The following DOK2 variants were observed in gnomAD, a reference collection of about 807,000 sequenced individuals.
The protein encoded by DOK2 is docking protein 2.
In DOK2, 28 loss-of-function variants were observed where a neutral mutation model predicts 26.0. The ratio of observed to expected loss-of-function variants is 1.08; its 90% CI spans 0.80 to 1.48. The LOEUF is 1.48. Among genes scored for constraint, DOK2 ranks in the 40% most tolerant of loss-of-function variants. DOK2 has a pLI of 0.00. For missense variants in DOK2, 682 were observed against 558.2 expected (o/e 1.22, Z -2.23); for synonymous variants, 282 against 236.9 (o/e 1.19, Z -1.75).
In DOK2 at chr8:21,909,356, TG is replaced by T. The variant is rs1809722114; in HGVS notation, c.1193del (p.Pro398GlnfsTer10). The T allele has an allele frequency of 1.3e-6, 2 of 1,571,956 alleles. No homozygotes were observed. The highest frequency in any genetic ancestry group is 1.7e-6 in the Non-Finnish European group (2 of 1,158,636). ...GQDFSASGWQ[P>X]GTEYDNVVLK... ...GTACAACATTGTCATACTCAGTTCC[TG>T]GCTGCCAGCCAGAAGCAGAGAAATC... is the stretch of plus-strand genomic sequence containing the variant. On this transcript the variant is annotated frameshift_variant, in exon 5 of 5. Transcript: ENST00000276420. LOFTEE classifies it high-confidence loss of function.
intron 3 of DOK2, chr8:21,911,168 C>T: frequency 2.7e-6 from 1 of 364,702 alleles, no homozygotes; most frequent in Non-Finnish European, 5.0e-6. Context: ...CCCCATCTCT[C>T]ACCCCAAACC....
rs759890322 is a variant in DOK2 at position 21,913,632 on chromosome 8, G to A, written c.-31C>T. The A allele has an allele frequency of 1.9e-6, 3 of 1,612,860 alleles. No homozygotes were observed. Among genetic ancestry groups the A allele is most frequent in the South Asian group, 2.2e-5 (2 of 91,056 alleles). The stretch of plus-strand genomic sequence containing the variant: ...GACCATCTCGGAGCCCCAGGCTTCA[G>A]CTCTCTCCTTCACTCCTGCCCTTGC... On this transcript the variant is annotated 5_prime_UTR_variant, in exon 1 of 5. Transcript: ENST00000276420.
rs371068266 is a variant in DOK2 at position 21,910,761 on chromosome 8, C to T, written c.530G>A (p.Ser177Asn). 1.2e-6 allele frequency: 2 copies of T among 1,614,038 alleles called. No homozygotes were observed. Among genetic ancestry groups the T allele is most frequent in the East Asian group, 2.2e-5 (1 of 44,882 alleles). ...RGSYTLRAGESALELWGGPEP... is the reference protein window; with the variant it reads ...RGSYTLRAGENALELWGGPEP... Reference sequence around the variant, plus strand: ...GGGCCCACCCCACAGCTCCAGGGCACTCTCCCCAGCCCGGAGGGTATAGGA... The same window carrying T: ...GGGCCCACCCCACAGCTCCAGGGCATTCTCCCCAGCCCGGAGGGTATAGGA... Residue 177 changes from serine to asparagine, a missense_variant, in exon 4 of 5, where the codon AGT becomes AAT. Coordinates refer to ENST00000276420, the MANE Select transcript of DOK2 (RefSeq NM_003974.4).
rs1245916282 is a variant in DOK2 at position 21,912,439 on chromosome 8, C to A, written c.135G>T (p.Glu45Asp). ...DCALARLELQ[E>D]GPEKPRRCEA... is the part of the protein sequence containing the mutation. ...CACACCGACGAGGCTTCTCCGGGCC[C>A]TCCTGCAGCTCCAGCCGGGCCAAGG... Residue 45 changes from glutamate (E) to aspartate (D), a missense_variant, in exon 2 of 5, where the codon GAG becomes GAT. Glu to Asp is a conservative substitution (Grantham distance 45). Coordinates refer to ENST00000276420, the MANE Select transcript of DOK2 (RefSeq NM_003974.4). 6.4e-7 allele frequency: 1 copy of A among 1,570,648 alleles called. No homozygotes were observed. Among genetic ancestry groups the A allele is most frequent in the African/African-American group, 1.4e-5 (1 of 73,928 alleles).
chr8:21,913,534 C>T lies in DOK2; in HGVS notation c.63+5G>A. 1 of 1,614,068 alleles carries T rather than the reference C, an allele frequency of 6.2e-7. No homozygotes were observed. The highest frequency in any genetic ancestry group is 8.5e-7 in the Non-Finnish European group (1 of 1,180,012). On this transcript the variant is annotated splice_donor_5th_base_variant and intron_variant, in intron 1 of 4. Transcript: ENST00000276420. ...TGCCCAACCCCAGCCCAGCCTCACT[C>T]CTACCTTTCCAAACGTCTGCTGCTG...
rs912969261 is a variant in DOK2, at chr8:21,909,747, T to G, written c.803A>C (p.Asp268Ala). Residue 268 changes from aspartate to alanine, a missense_variant, in exon 5 of 5, where the codon GAT becomes GCT. Asp to Ala is a moderately radical substitution (Grantham distance 126). Transcript: ENST00000276420. Reference sequence around the variant, plus strand: ...GTCATGCGGCCGAGAGTAGGGGCTATCAGGCCGGGGCAGCGACGCGGGGAT... The same window carrying G: ...GTCATGCGGCCGAGAGTAGGGGCTAGCAGGCCGGGGCAGCGACGCGGGGAT... ...ATIPASLPRP[D>A]SPYSRPHDSL... is the part of the protein sequence containing the mutation. 1 of 1,613,786 alleles carries G rather than the reference T, an allele frequency of 6.2e-7. No individual in the cohort carries two copies. Among genetic ancestry groups the G allele is most frequent in the Admixed American group, 1.7e-5 (1 of 60,018 alleles).
intron 3 of DOK2, 40 bp downstream of exon 3, chr8:21,911,861 G>A: frequency 6.5e-7 from 1 of 1,529,132 alleles, no homozygotes. Flanking sequence ...ACCCTGGGGA[G>A]AGCCCCCAGG....
In DOK2 at chr8:21,912,353, T is replaced by A; in HGVS notation, c.221A>T (p.Glu74Val). The A allele has an allele frequency of 6.2e-7, 1 of 1,607,212 alleles. No individual in the cohort carries two copies. Among genetic ancestry groups the A allele is most frequent in the Non-Finnish European group, 8.5e-7 (1 of 1,178,420 alleles). ...DCLRVAEAGG[E>V]ASSPRDTSAF... ...ACTGGTGTCCCGGGGGCTGCTGGCC[T>A]CTCCGCCGGCCTCGGCCACCCGCAG... Residue 74 changes from glutamate to valine, a missense_variant, in exon 2 of 5, where the codon GAG (glutamate) becomes GTG (valine). By Grantham distance (121) the Glu-to-Val change is moderately radical. Coordinates refer to ENST00000276420, the MANE Select transcript of DOK2 (RefSeq NM_003974.4).
intron 1 of DOK2, among the ~76,000 whole-genome samples, chr8:21,912,980 A>T (rs1008555263): frequency 2.6e-5 from 4 of 152,194 alleles, no homozygotes; most frequent in African/African-American, 9.7e-5. Context: ...TTGCTGCCTC[A>T]TTCCTTGATA....
At chr8:21,910,553 A>C (rs1235427505) in intron 4 of DOK2, 120 bp downstream of exon 4, 2 of 1,288,910 alleles carry the variant, frequency 1.6e-6, no homozygotes, top group East Asian at 5.0e-5. Flanking sequence ...TTGTCACTCT[A>C]TTCTTTGCTT....
At position 21,912,430 on chromosome 8, in the gene DOK2, C is replaced by CT. The variant is rs2117208195; in HGVS notation, c.143dup (p.Lys49GlufsTer6). The stretch of plus-strand genomic sequence containing the variant: ...GGGCAGCCTCACACCGACGAGGCTT[C>CT]TCCGGGCCCTCCTGCAGCTCCAGCC... On this transcript the variant is annotated frameshift_variant, in exon 2 of 5. Coordinates refer to ENST00000276420, the MANE Select transcript of DOK2 (RefSeq NM_003974.4). LOFTEE classifies it high-confidence loss of function. 1.3e-6 allele frequency: 2 copies of CT among 1,574,932 alleles called. No homozygotes were observed. The highest frequency in any genetic ancestry group is 2.3e-5 in the South Asian group (2 of 86,564).
chr8:21,912,538 C>T (rs933929306), intron 1 of DOK2, 28 bp from the exon 2 acceptor site: 1 of 1,455,372 alleles, frequency 6.9e-7, no homozygotes. Context: ...GAGGCGGGGG[C>T]GGGAGGGAGC....
chr8:21,911,784 G>A, intron 3 of DOK2, 117 bp downstream of exon 3: 1 of 1,150,454 alleles, frequency 8.7e-7, no homozygotes, highest in Non-Finnish European at 1.2e-6. Context: ...GGCCCAGGCT[G>A]GGGATAACCA....
In DOK2 at chr8:21,909,582, T is replaced by C; in HGVS notation, c.968A>G (p.Gln323Arg). 1 of 1,614,008 alleles carries C rather than the reference T, an allele frequency of 6.2e-7. No individual in the cohort carries two copies. The highest frequency in any genetic ancestry group is 8.5e-7 in the Non-Finnish European group (1 of 1,180,018). Residue 323 changes from glutamine (Q) to arginine (R), a missense_variant, in exon 5 of 5, where the codon CAG becomes CGG. Coordinates refer to ENST00000276420, the MANE Select transcript of DOK2 (RefSeq NM_003974.4). ...GTCGTACAGAGGGTCGGCCAGGAGC[T>C]GAGGAGGGACTGCCAAGATGCCCCT... ...NFRGILAVPPQLLADPLYDSI... is the reference protein window; with the variant it reads ...NFRGILAVPPRLLADPLYDSI...
rs200755956 is a variant in DOK2, at chr8:21,910,692, C to T, written c.599G>A (p.Arg200Gln). 1.1e-5 allele frequency: 18 copies of T among 1,614,050 alleles called. No individual in the cohort carries two copies. Among genetic ancestry groups the T allele is most frequent in the East Asian group, 1.1e-4 (5 of 44,874 alleles). Residue 200 changes from arginine to glutamine, a missense_variant, in exon 4 of 5, where the codon CGG becomes CAG. By Grantham distance (43) the Arg-to-Gln change is conservative. Transcript: ENST00000276420. ...QLYDWPYRFL[R>Q]RFGRDKVTFS... ...ACTCACCTTGTCCCGCCCAAAGCGC[C>T]GCAGAAACCTGTAGGGCCAGTCGTA... is the stretch of plus-strand genomic sequence containing the variant.
At chr8:21,911,253 G>T (rs1809833793) in intron 3 of DOK2, among the ~76,000 whole-genome samples, 1 of 152,170 alleles carries the variant, frequency 6.6e-6, no homozygotes, top group Admixed American at 6.5e-5. Context: ...CGGGGCCCTG[G>T]GGGTGAAGCT....
chr8:21,912,730 A>C lies in DOK2; in HGVS notation c.64-220T>G, dbSNP rs377285214. Among the ~76,000 whole-genome samples, 391 of 152,278 alleles carry C rather than the reference A, an allele frequency of 2.6e-3. 2 individuals are homozygous for C. The highest frequency in any genetic ancestry group is 0.021 in the South Asian group (101 of 4,812). On this transcript the variant is annotated intron_variant, in intron 1 of 4. Coordinates refer to ENST00000276420, the MANE Select transcript of DOK2 (RefSeq NM_003974.4). ...AGATCAGCCGCCAGCCCCGAGAAGGAGGCCCACGAGCAAGAGCAGAGACTG... is the reference window on the plus strand; with the variant it reads ...AGATCAGCCGCCAGCCCCGAGAAGGCGGCCCACGAGCAAGAGCAGAGACTG...
chr8:21,913,215 ATTCCC>A (rs1341406130), intron 1 of DOK2, among the ~76,000 whole-genome samples: 1 of 152,192 alleles, frequency 6.6e-6, no homozygotes, highest in Non-Finnish European at 1.5e-5. Context: ...TGCCCCTTCC[ATTCCC>A]TTCCAAGGTG....
In DOK2 at chr8:21,912,053, T is replaced by G. The variant is rs13258438; in HGVS notation, c.346-65A>C. The G allele has an allele frequency of 2.9e-3, 4,430 of 1,512,262 alleles. 15 individuals are homozygous for G. Among genetic ancestry groups the G allele is most frequent in the Non-Finnish European group, 2.8e-3 (3,125 of 1,131,458 alleles). The allele number at this position is 1,512,262 out of a possible 1,614,324, so 93.7% of individuals were successfully genotyped here. On this transcript the variant is annotated intron_variant, in intron 2 of 4. Coordinates refer to ENST00000276420, the MANE Select transcript of DOK2 (RefSeq NM_003974.4). ...CCCAGGCCCCCCTCTGGCCCAGGCC[T>G]TCTTTCAGGCCACCTCAACCTGCTG...
Sources: gnomAD v4.1 joint callset for allele counts (sites outside exome capture counted in the v4.1 genomes callset) on GRCh38, gnomAD v4.1.1 for gene constraint, MANE v1.5 for transcripts, NCBI Gene and HGNC (gene_info 2026-07-23, HGNC 2026-07-21) for gene names.